The following IL4I1 variants were observed in gnomAD, a reference collection of about 807,000 sequenced individuals.
IL4I1 encodes L-amino-acid oxidase.
In IL4I1, 24 loss-of-function variants were observed where a neutral mutation model predicts 29.7. That is an observed-to-expected ratio of 0.81 (90% CI 0.59 to 1.14). The LOEUF (loss-of-function observed/expected upper bound fraction) is 1.14. Among genes scored for constraint, IL4I1 ranks in the 50% most tolerant of loss-of-function variants. The pLI is 0.00. For synonymous variants in IL4I1, 371 were observed against 352.5 expected (o/e 1.05, Z -0.59); for missense variants, 686 against 785.6 (o/e 0.87, Z 1.52).
upstream of IL4I1, among the ~76,000 whole-genome samples, chr19:49,897,784 T>A (rs1234533885): frequency 6.9e-6 from 1 of 144,582 alleles, no homozygotes; most frequent in African/African-American, 2.7e-5. Context: ...AGGGGCTCCG[T>A]GAGGAGGAAA....
In IL4I1 at chr19:49,890,276, C is replaced by T. The variant is rs1234641884; in HGVS notation, c.1098G>A (p.Glu366=). 2 of 1,593,020 alleles carry T rather than the reference C, an allele frequency of 1.3e-6. No individual in the cohort carries two copies. Among genetic ancestry groups the T allele is most frequent in the Middle Eastern group, 3.4e-4 (2 of 5,958 alleles). ...FLSFRRPFWR[E]EHIEGGHSNT... The stretch of plus-strand genomic sequence containing the variant: ...TTGAGTGGCCGCCTTCAATGTGCTC[C>T]TCGCGCCAGAAGGGCCTGCGGAAGC... The change falls in exon 8 of 8, where the codon GAG becomes GAA. Residue 366 remains glutamate, a synonymous_variant. Coordinates refer to ENST00000391826, the MANE Select transcript of IL4I1 (RefSeq NM_152899.2).
At chr19:49,904,022 G>C (rs2122561620) in intron 3 of IL4I1, among the ~76,000 whole-genome samples, 1 of 151,710 alleles carries the variant, frequency 6.6e-6, no homozygotes, top group Non-Finnish European at 1.5e-5. Context: ...TATTTTTGTA[G>C]AGACGAGGTT....
At chr19:49,892,929 G>A (rs2075158252) in intron 5 of IL4I1, among the ~76,000 whole-genome samples, 1 of 152,136 alleles carries the variant, frequency 6.6e-6, no homozygotes, top group Non-Finnish European at 1.5e-5. Flanking sequence ...CTGGAGGAGG[G>A]GACATTGGAG....
At chr19:49,916,142 A>C (rs1299491) in intron 2 of IL4I1, among the ~76,000 whole-genome samples, 106,520 of 152,040 alleles carry the variant, frequency 0.7, 37,506 homozygotes, top group East Asian at 0.91. Context: ...CAAACAGCAG[A>C]CCCATGATGG....
At chr19:49,908,074 C>T in intron 2 of IL4I1, 2 of 1,432,572 alleles carry the variant, frequency 1.4e-6, no homozygotes, top group Non-Finnish European at 1.8e-6. Context: ...AGAATACCCT[C>T]CTAAATGGAA....
chr19:49,928,081 G>A (rs1187830698), intron 1 of IL4I1: 1 of 152,328 alleles, frequency 6.6e-6, no homozygotes, highest in Non-Finnish European at 1.5e-5. Context: ...CATTTGGAAT[G>A]GAAGATGAGG....
chr19:49,906,374 A>G (rs902245448), intron 2 of IL4I1, among the ~76,000 whole-genome samples: 2 of 152,086 alleles, frequency 1.3e-5, no homozygotes, highest in African/African-American at 4.8e-5. Flanking sequence ...ACGCACAACC[A>G]AACTTTTTTG....
At chr19:49,898,805 G>A (rs566024809), upstream of IL4I1, among the ~76,000 whole-genome samples, 1 of 152,300 alleles carries the variant, frequency 6.6e-6, no homozygotes, top group Admixed American at 6.5e-5. Flanking sequence ...GGAGGCAGAG[G>A]TTGCAGTGAG....
upstream of IL4I1, among the ~76,000 whole-genome samples, chr19:49,897,412 G>C (rs1333442872): frequency 6.6e-6 from 1 of 152,090 alleles, no homozygotes; most frequent in South Asian, 2.1e-4. Flanking sequence ...CGTGGTCCCG[G>C]GGTCAGGACG....
intron 2 of IL4I1, chr19:49,907,728 G>T (rs1013009560): frequency 8.8e-6 from 3 of 339,866 alleles, no homozygotes; most frequent in Non-Finnish European, 5.7e-6. Context: ...TAGAGACGGG[G>T]TTTCACCATG....
At chr19:49,914,673 T>A (rs2075572559) in intron 2 of IL4I1, among the ~76,000 whole-genome samples, 1 of 148,744 alleles carries the variant, frequency 6.7e-6, no homozygotes, top group Admixed American at 6.8e-5. Flanking sequence ...CAGCCTTCGG[T>A]CAGCTCTACT....
chr19:49,899,553 G>GT (rs201245394), upstream of IL4I1, among the ~76,000 whole-genome samples: 1,551 of 141,174 alleles, frequency 0.011, 33 homozygotes, highest in African/African-American at 0.036. Flanking sequence ...CCTGTTTTTT[G>GT]TTTTTTTTGT....
chr19:49,897,135 C>A (rs547938327), upstream of IL4I1, among the ~76,000 whole-genome samples: 2 of 152,300 alleles, frequency 1.3e-5, no homozygotes, highest in African/African-American at 4.8e-5. Flanking sequence ...GTGCCAACAA[C>A]GGGGAATCCC....
intron 2 of IL4I1, among the ~76,000 whole-genome samples, chr19:49,912,465 G>A (rs1043779582): frequency 2.7e-5 from 4 of 150,450 alleles, no homozygotes; most frequent in African/African-American, 9.7e-5. Flanking sequence ...CACTGCGCCC[G>A]GCCAACAGTT....
At chr19:49,904,609 C>T (rs755789334) in intron 2 of IL4I1, among the ~76,000 whole-genome samples, 1 of 151,998 alleles carries the variant, frequency 6.6e-6, no homozygotes, top group Non-Finnish European at 1.5e-5. Context: ...AGTGCAGTGG[C>T]GCGATCTTGG....
intron 2 of IL4I1, chr19:49,908,153 C>T: frequency 6.4e-7 from 1 of 1,552,750 alleles, no homozygotes; most frequent in Non-Finnish European, 8.7e-7. Context: ...AAACAAGTAT[C>T]TTGCCACAAC....
intron 2 of IL4I1, chr19:49,908,426 G>C: frequency 6.2e-7 from 1 of 1,614,138 alleles, no homozygotes; most frequent in Non-Finnish European, 8.5e-7. Flanking sequence ...GGGGGCCCCG[G>C]ACGTGTTCAG....
chr19:49,893,672 G>A (rs2075166775), intron 5 of IL4I1, among the ~76,000 whole-genome samples: 1 of 152,058 alleles, frequency 6.6e-6, no homozygotes, highest in African/African-American at 2.4e-5. Flanking sequence ...TTTGGGGTCA[G>A]CAGTGTTTAC....
At chr19:49,899,559 T>TG (rs1042327880), upstream of IL4I1, among the ~76,000 whole-genome samples, 2 of 150,722 alleles carry the variant, frequency 1.3e-5, no homozygotes, top group African/African-American at 4.9e-5. Context: ...TTTTGTTTTT[T>TG]TTGTTTTTTT....
Sources: allele counts gnomAD v4.1 joint callset (sites outside exome capture counted in the v4.1 genomes callset), GRCh38; gene constraint gnomAD v4.1.1; transcripts MANE v1.5; gene names NCBI Gene and HGNC (gene_info 2026-07-23, HGNC 2026-07-21).